CADPS2: variants seen among roughly 807,000 people sequenced by gnomAD.
CADPS2 encodes calcium-dependent secretion activator 2.
In CADPS2, 93 loss-of-function variants were observed where a neutral mutation model predicts 172.5. That is an observed-to-expected ratio of 0.54 (90% CI 0.46 to 0.64). The LOEUF is 0.64. CADPS2 is among the 30% of genes least tolerant of loss of function. The pLI is 0.00. For synonymous variants in CADPS2, 546 were observed against 555.2 expected, an observed-to-expected ratio of 0.98 and a Z score of 0.23; for missense variants, 1,420 against 1,565.9, an observed-to-expected ratio of 0.91 and a Z score of 1.57.
intron 8 of CADPS2, among the ~76,000 whole-genome samples, chr7:122,527,204 A>G (rs2061305793): frequency 6.6e-6 from 1 of 152,132 alleles, no homozygotes; most frequent in South Asian, 2.1e-4. Context: ...AGCATGGAGC[A>G]GCTGCTGTGA....
chr7:122,437,799 C>G (rs2050824100), intron 17 of CADPS2, among the ~76,000 whole-genome samples: 1 of 136,492 alleles, frequency 7.3e-6, no homozygotes, highest in Non-Finnish European at 1.6e-5. Flanking sequence ...TGAATAAAGC[C>G]TGAAGAAAGA....
At chr7:122,748,154 A>AC (rs2092796444) in intron 1 of CADPS2, among the ~76,000 whole-genome samples, 4 of 152,160 alleles carry the variant, frequency 2.6e-5, no homozygotes, top group Non-Finnish European at 4.4e-5. Flanking sequence ...ATAACCATTG[A>AC]GCAAAGACTC....
At chr7:122,511,021 A>G (rs2059967471) in intron 9 of CADPS2, among the ~76,000 whole-genome samples, 3 of 152,212 alleles carry the variant, frequency 2.0e-5, no homozygotes, top group Admixed American at 2.0e-4. Context: ...AAGTAAATAC[A>G]TAATGCTTAA....
chr7:122,732,529 C>T (rs1008781211), intron 2 of CADPS2, among the ~76,000 whole-genome samples: 1 of 149,284 alleles, frequency 6.7e-6, no homozygotes, highest in Non-Finnish European at 1.5e-5. Flanking sequence ...TTGTAATACA[C>T]ATTTATTAGG....
At chr7:122,734,758 G>A (rs548821755) in intron 2 of CADPS2, among the ~76,000 whole-genome samples, 19 of 152,090 alleles carry the variant, frequency 1.2e-4, no homozygotes, top group Admixed American at 3.3e-4. Context: ...TGCATACCAA[G>A]TGTGTATTAC....
At chr7:122,874,738 A>G (rs184224681) in intron 1 of CADPS2, among the ~76,000 whole-genome samples, 26 of 152,300 alleles carry the variant, frequency 1.7e-4, no homozygotes, top group Admixed American at 1.3e-4. Context: ...CACATCTACA[A>G]CCATCTGATC....
rs184525567 is a variant in CADPS2 at position 122,454,317 on chromosome 7, C to T, written c.2187-2842G>A. On this transcript the variant is annotated intron_variant, in intron 14 of 29. Coordinates refer to ENST00000449022, the MANE Select transcript of CADPS2 (RefSeq NM_017954.11). ...TCCAAAAGAGAAGGCTGCTGAGGCT[C>T]AGGGCAGTTAGGTTAATTCCCAAGG... is the stretch of plus-strand genomic sequence containing the variant. Among the ~76,000 whole-genome samples, 368 of 140,388 alleles carry T rather than the reference C, an allele frequency of 2.6e-3. 2 individuals carry two copies. Among genetic ancestry groups the T allele is most frequent in the African/African-American group, 9.6e-3 (353 of 36,850 alleles). 92.1% of individuals were successfully genotyped at this position (140,388 alleles called of 152,430 possible).
chr7:122,801,882 C>T (rs1033753099), intron 1 of CADPS2, among the ~76,000 whole-genome samples: 13 of 151,700 alleles, frequency 8.6e-5, no homozygotes, highest in Non-Finnish European at 1.9e-4. Flanking sequence ...AGCCACTCTG[C>T]GCAGGTGAGA....
intron 2 of CADPS2, among the ~76,000 whole-genome samples, chr7:122,689,609 C>T (rs1217069045): frequency 6.6e-6 from 1 of 152,190 alleles, no homozygotes; most frequent in East Asian, 1.9e-4. Flanking sequence ...CAGTGGCAGG[C>T]ACATGGGGCC....
At chr7:122,422,792 T>TAA (rs35816048) in intron 17 of CADPS2, among the ~76,000 whole-genome samples, 9 of 132,914 alleles carry the variant, frequency 6.8e-5, no homozygotes, top group African/African-American at 1.4e-4. Flanking sequence ...CCGTCTCTAT[T>TAA]AAAAAAAAAA....
chr7:122,553,175 G>C (rs2064545096), intron 8 of CADPS2, among the ~76,000 whole-genome samples: 1 of 152,110 alleles, frequency 6.6e-6, no homozygotes, highest in Non-Finnish European at 1.5e-5. Flanking sequence ...CTGTCTTACA[G>C]CACTTATCAC....
chr7:122,781,675 A>G (rs1589164802), intron 1 of CADPS2, among the ~76,000 whole-genome samples: 1 of 152,262 alleles, frequency 6.6e-6, no homozygotes, highest in Non-Finnish European at 1.5e-5. Context: ...GTTCTATTAT[A>G]TACAAGAATA....
chr7:122,548,725 C>T (rs554474383), intron 8 of CADPS2, among the ~76,000 whole-genome samples: 1 of 152,128 alleles, frequency 6.6e-6, no homozygotes, highest in Admixed American at 6.6e-5. Flanking sequence ...CTCTCACTTG[C>T]CATGAAATAA....
chr7:122,855,968 A>G (rs1815070272), intron 1 of CADPS2, among the ~76,000 whole-genome samples: 1 of 152,204 alleles, frequency 6.6e-6, no homozygotes, highest in African/African-American at 2.4e-5. Context: ...AGATGTAAAA[A>G]GAAGTTGAGG....
Position 122,370,825 on chromosome 7 carries a change from G to A in CADPS2, c.3387+8543C>T, listed in dbSNP as rs577119709. 7.2e-5 allele frequency among the ~76,000 whole-genome samples: 11 copies of A among 152,300 alleles called. No homozygotes were observed. In the South Asian group the frequency reaches 2.1e-3, roughly 29 times the overall value. On this transcript the variant is annotated intron_variant, in intron 25 of 29. Transcript: ENST00000449022. Reference sequence around the variant, plus strand: ...AACCAATAGAACTTTGGAATAGCTAGAGTTTAAGATGTGGGGGAGAGTGTT... The same window carrying A: ...AACCAATAGAACTTTGGAATAGCTAAAGTTTAAGATGTGGGGGAGAGTGTT...
At chr7:122,406,335 G>A (rs972579850) in intron 20 of CADPS2, among the ~76,000 whole-genome samples, 3 of 152,290 alleles carry the variant, frequency 2.0e-5, no homozygotes, top group Middle Eastern at 3.4e-3. Flanking sequence ...GTGGCCTTCT[G>A]GGATGAGAGC....
Position 122,746,835 on chromosome 7 carries a change from G to A in CADPS2, c.340-9767C>T, listed in dbSNP as rs559354869. 2.6e-5 allele frequency among the ~76,000 whole-genome samples: 4 copies of A among 152,194 alleles called. No individual in the cohort carries two copies. In the East Asian group the frequency reaches 7.7e-4, roughly 29 times the overall value. Reference sequence around the variant, plus strand: ...CCTGAGCCTTACTAATGATAATCAAGGTAAGTGCTGAGGAGTTATTTAACA... The same window carrying A: ...CCTGAGCCTTACTAATGATAATCAAAGTAAGTGCTGAGGAGTTATTTAACA... On this transcript the variant is annotated intron_variant, in intron 1 of 29. Transcript: ENST00000449022.
At chr7:122,714,805 T>A (rs927158442) in intron 2 of CADPS2, among the ~76,000 whole-genome samples, 1 of 152,158 alleles carries the variant, frequency 6.6e-6, no homozygotes, top group African/African-American at 2.4e-5. Context: ...AATAATAAGT[T>A]CCGATTTGAG....
chr7:122,743,365 A>T (rs1451860739), intron 1 of CADPS2, among the ~76,000 whole-genome samples: 1 of 152,122 alleles, frequency 6.6e-6, no homozygotes, highest in Non-Finnish European at 1.5e-5. Context: ...TGAATCATGG[A>T]TCAACTAAAG....
Sources: allele counts gnomAD v4.1 joint callset (sites outside exome capture counted in the v4.1 genomes callset), GRCh38; gene constraint gnomAD v4.1.1; transcripts MANE v1.5; gene names NCBI Gene and HGNC (gene_info 2026-07-23, HGNC 2026-07-21).